GRM5: variants seen among roughly 807,000 people sequenced by gnomAD.
GRM5 encodes the protein metabotropic glutamate receptor 5.
In GRM5, 19 loss-of-function variants were observed where a neutral mutation model predicts 83.1. The ratio of observed to expected loss-of-function variants is 0.23; its 90% CI spans 0.16 to 0.34. The LOEUF is 0.34. GRM5 is among the 10% of genes least tolerant of loss of function. GRM5 has a pLI of 1.00. For synonymous variants in GRM5, 675 were observed against 633.6 expected (o/e 1.07, Z -0.98); for missense variants, 1,160 against 1,588.3 (o/e 0.73, Z 4.58).
chr11:88,566,144 C>T (rs1033680143), intron 8 of GRM5, among the ~76,000 whole-genome samples: 3 of 152,130 alleles, frequency 2.0e-5, no homozygotes, highest in African/African-American at 4.8e-5. Flanking sequence ...GATGTCTTGA[C>T]CAGCTCTTTT....
At chr11:88,600,952 G>T (rs2135225554) in intron 5 of GRM5, among the ~76,000 whole-genome samples, 1 of 152,230 alleles carries the variant, frequency 6.6e-6, no homozygotes, top group East Asian at 1.9e-4. Flanking sequence ...CTTTGGGGTT[G>T]GACAATCACA....
intron 3 of GRM5, among the ~76,000 whole-genome samples, chr11:88,843,824 T>G (rs929357672): frequency 3.3e-5 from 5 of 152,190 alleles, no homozygotes; most frequent in African/African-American, 1.2e-4. Flanking sequence ...TGATAGAAGA[T>G]CAAGTCAGCC....
chr11:88,654,288 T>G (rs1452849236), intron 3 of GRM5, among the ~76,000 whole-genome samples: 1 of 152,062 alleles, frequency 6.6e-6, no homozygotes. Flanking sequence ...GGAAAATACA[T>G]GAAACATTGT....
At chr11:89,064,567 T>C (rs1942058345) in intron 1 of GRM5, among the ~76,000 whole-genome samples, 2 of 152,136 alleles carry the variant, frequency 1.3e-5, no homozygotes, top group Admixed American at 1.3e-4. Flanking sequence ...TACTTCTTAG[T>C]ATGCAGATCT....
At chr11:88,814,999 C>T (rs1240879168) in intron 3 of GRM5, among the ~76,000 whole-genome samples, 1 of 152,104 alleles carries the variant, frequency 6.6e-6, no homozygotes, top group Non-Finnish European at 1.5e-5. Flanking sequence ...TTAAATGTCC[C>T]TCTCTCAATA....
At chr11:88,956,836 C>G (rs1565309069) in intron 2 of GRM5, among the ~76,000 whole-genome samples, 1 of 152,076 alleles carries the variant, frequency 6.6e-6, no homozygotes, top group South Asian at 2.1e-4. Context: ...AGCGTCGGTA[C>G]AATAACTTCT....
intron 3 of GRM5, among the ~76,000 whole-genome samples, chr11:88,769,724 T>C (rs1051886590): frequency 2.6e-5 from 4 of 152,030 alleles, no homozygotes; most frequent in Non-Finnish European, 5.9e-5. Context: ...ATTCTAAGAT[T>C]AACATCTGCA....
intron 2 of GRM5, among the ~76,000 whole-genome samples, chr11:89,011,311 T>G (rs1252569521): frequency 6.6e-6 from 1 of 152,188 alleles, no homozygotes; most frequent in Non-Finnish European, 1.5e-5. Flanking sequence ...AATTTGAATT[T>G]TTTTGATGGT....
chr11:88,722,031 G>C (rs1339678633), intron 3 of GRM5, among the ~76,000 whole-genome samples: 1 of 152,072 alleles, frequency 6.6e-6, no homozygotes, highest in Non-Finnish European at 1.5e-5. Flanking sequence ...TGGGTATTTG[G>C]TCAATTCACA....
At chr11:88,809,847 A>G (rs138486140) in intron 3 of GRM5, among the ~76,000 whole-genome samples, 1 of 152,178 alleles carries the variant, frequency 6.6e-6, no homozygotes, top group African/African-American at 2.4e-5. Context: ...TATCTGTTAA[A>G]TTTGAATTTT....
chr11:88,882,102 G>A (rs1490754183), intron 2 of GRM5, among the ~76,000 whole-genome samples: 5 of 151,832 alleles, frequency 3.3e-5, no homozygotes, highest in African/African-American at 1.2e-4. Flanking sequence ...TTAGCTGGGT[G>A]GGGTAGCATC....
At chr11:88,850,857 T>C (rs1944377931) in intron 2 of GRM5, among the ~76,000 whole-genome samples, 1 of 139,262 alleles carries the variant, frequency 7.2e-6, no homozygotes, top group African/African-American at 2.7e-5. Flanking sequence ...AGGACAAATG[T>C]TAGTCTTTAA....
intron 3 of GRM5, among the ~76,000 whole-genome samples, chr11:88,781,226 G>C (rs1325101554): frequency 6.6e-6 from 1 of 151,468 alleles, no homozygotes; most frequent in Non-Finnish European, 1.5e-5. Flanking sequence ...AAGAAAATAA[G>C]AATGAAGGGA....
chr11:88,855,928 T>A (rs975489061), intron 2 of GRM5, among the ~76,000 whole-genome samples: 4 of 151,712 alleles, frequency 2.6e-5, no homozygotes, highest in East Asian at 1.9e-4. Flanking sequence ...GCAAAAAAAA[T>A]TTTGGAAGAG....
At chr11:89,011,306 G>C (rs1219360542) in intron 2 of GRM5, among the ~76,000 whole-genome samples, 2 of 151,890 alleles carry the variant, frequency 1.3e-5, no homozygotes, top group African/African-American at 4.8e-5. Flanking sequence ...ATATTAATTT[G>C]AATTTTTTTG....
chr11:88,661,442 T>G (rs1289435012), intron 3 of GRM5, among the ~76,000 whole-genome samples: 1 of 152,118 alleles, frequency 6.6e-6, no homozygotes, highest in Non-Finnish European at 1.5e-5. Context: ...AATGTATTCA[T>G]TAGGCTGCAT....
chr11:88,702,117 A>T (rs1436075207), intron 3 of GRM5, among the ~76,000 whole-genome samples: 2 of 151,994 alleles, frequency 1.3e-5, no homozygotes, highest in Non-Finnish European at 1.5e-5. Context: ...GCATTAATTC[A>T]GTCTGTTGGT....
At chr11:88,847,997 A>C (rs889729325) in intron 3 of GRM5, among the ~76,000 whole-genome samples, 1 of 152,124 alleles carries the variant, frequency 6.6e-6, no homozygotes, top group Non-Finnish European at 1.5e-5. Context: ...AATGCTGCTG[A>C]TTTTTCTTAT....
chr11:88,696,131 G>C (rs1328851068), intron 3 of GRM5, among the ~76,000 whole-genome samples: 1 of 152,138 alleles, frequency 6.6e-6, no homozygotes, highest in Admixed American at 6.5e-5. Flanking sequence ...GCCAGAAGGG[G>C]GATGGAGTGG....
Sources: gnomAD v4.1 joint callset for allele counts (sites outside exome capture counted in the v4.1 genomes callset) on GRCh38, gnomAD v4.1.1 for gene constraint, MANE v1.5 for transcripts, NCBI Gene and HGNC (gene_info 2026-07-23, HGNC 2026-07-21) for gene names.